TRPC3: variants seen among roughly 807,000 people sequenced by gnomAD.
The protein encoded by TRPC3 is short transient receptor potential channel 3.
Under a neutral mutation model 90.9 loss-of-function variants are expected in TRPC3, and 54 were observed. That is an observed-to-expected ratio of 0.59 (90% CI 0.48 to 0.75). The LOEUF is 0.75. Among genes scored for constraint, TRPC3 ranks in the 30% least tolerant of loss-of-function variants. TRPC3 has a pLI of 0.00. For missense variants in TRPC3, 918 were observed against 1,194.5 expected (o/e 0.77, Z 3.41); for synonymous variants, 424 against 450.9 (o/e 0.94, Z 0.75).
At chr4:121,920,693 G>A (rs1729472349) in intron 3 of TRPC3, among the ~76,000 whole-genome samples, 1 of 152,080 alleles carries the variant, frequency 6.6e-6, no homozygotes, top group Non-Finnish European at 1.5e-5. Flanking sequence ...ATTAGTATAC[G>A]TTTATCACTA....
At position 121,921,030 on chromosome 4, in the gene TRPC3, A is replaced by C. The variant is rs576391349; in HGVS notation, c.1176+3988T>G. Among the ~76,000 whole-genome samples, 4 of 152,280 alleles carry C rather than the reference A, an allele frequency of 2.6e-5. No individual in the cohort carries two copies. In the South Asian group the frequency reaches 8.3e-4, roughly 32 times the overall value. On this transcript the variant is annotated intron_variant, in intron 3 of 11. Coordinates refer to ENST00000379645, the MANE Select transcript of TRPC3 (RefSeq NM_001130698.2). ...AAAGTCCTTTCCAACATAAACATTAAATTCACGGTCATGTATCTCCTATTC... is the reference window on the plus strand; with the variant it reads ...AAAGTCCTTTCCAACATAAACATTACATTCACGGTCATGTATCTCCTATTC...
chr4:121,919,075 G>C (rs1269314271), intron 3 of TRPC3, among the ~76,000 whole-genome samples: 1 of 152,196 alleles, frequency 6.6e-6, no homozygotes, highest in Non-Finnish European at 1.5e-5. Flanking sequence ...CTGATTCAAA[G>C]AGAGAATGCT....
rs1456273895 is a variant in TRPC3 at position 121,932,921 on chromosome 4, C to T, written c.337G>A (p.Glu113Lys). The T allele has an allele frequency of 6.2e-7, 1 of 1,613,950 alleles. No individual in the cohort carries two copies. Among genetic ancestry groups the T allele is most frequent in the African/African-American group, 1.3e-5 (1 of 74,942 alleles). Residue 113 changes from glutamate (E) to lysine (K), a missense_variant, in exon 2 of 12, where the codon GAG becomes AAG. Around this residue, in one of 4 missense-constraint regions of TRPC3, gnomAD observed 609 missense variants for 725.9 expected, o/e 0.84. Transcript: ENST00000379645. The surrounding 1 kb of genome is among the most constrained non-coding windows in gnomAD (Gnocchi z 7.7). ...TCGGCGGCGTCGAGGAAGCGCTCCTCCTCGGCGGTGAGGCTGGTGCCGCGG... is the reference window on the plus strand; with the variant it reads ...TCGGCGGCGTCGAGGAAGCGCTCCTTCTCGGCGGTGAGGCTGGTGCCGCGG... Reference protein sequence around the residue: ...NDRGTSLTAEEERFLDAAEYG... With the variant: ...NDRGTSLTAEKERFLDAAEYG...
At chr4:121,914,697 C>T (rs1729236272) in intron 4 of TRPC3, 83 bp downstream of exon 4, 1 of 1,361,478 alleles carries the variant, frequency 7.3e-7, no homozygotes, top group Non-Finnish European at 9.8e-7. Context: ...TGATAAGATT[C>T]TTAAGCATGA....
chr4:121,934,323 G>A (rs554114689), intron 1 of TRPC3, among the ~76,000 whole-genome samples: 14 of 152,228 alleles, frequency 9.2e-5, no homozygotes, highest in South Asian at 4.1e-4. Flanking sequence ...TTTTAACATC[G>A]TGACTATCTA....
intron 2 of TRPC3, among the ~76,000 whole-genome samples, chr4:121,926,638 C>T (rs1469743287): frequency 6.6e-6 from 1 of 152,096 alleles, no homozygotes; most frequent in East Asian, 1.9e-4. Flanking sequence ...AACTCCTGAC[C>T]TCAAATGATC....
At chr4:121,895,234 T>C (rs760631547) in intron 10 of TRPC3, among the ~76,000 whole-genome samples, 56 of 150,346 alleles carry the variant, frequency 3.7e-4, no homozygotes, top group Non-Finnish European at 7.4e-4. Flanking sequence ...TTTCAAACAA[T>C]CTAATGATGC....
chr4:121,893,004 C>G (rs1347598806), intron 10 of TRPC3, among the ~76,000 whole-genome samples: 1 of 151,678 alleles, frequency 6.6e-6, no homozygotes, highest in African/African-American at 2.4e-5. Context: ...ACCAGTAGTC[C>G]CAGCTACTCG....
Position 121,896,999 on chromosome 4 carries a change from C to A in TRPC3, c.2547+2613G>T, listed in dbSNP as rs139203603. 1.1e-3 allele frequency among the ~76,000 whole-genome samples: 172 copies of A among 152,064 alleles called. 1 individual carries two copies. Among genetic ancestry groups the A allele is most frequent in the African/African-American group, 4.0e-3 (164 of 41,502 alleles). ...AGAAATTAATCCATGTGTCTATAAC[C>A]AACTGAGTTTTTACAAAGATGCCAA... is the stretch of plus-strand genomic sequence containing the variant. On this transcript the variant is annotated intron_variant, in intron 10 of 11. Coordinates refer to ENST00000379645, the MANE Select transcript of TRPC3 (RefSeq NM_001130698.2).
intron 10 of TRPC3, among the ~76,000 whole-genome samples, chr4:121,895,060 T>G (rs181428175): frequency 2.8e-3 from 425 of 152,208 alleles, no homozygotes; most frequent in African/African-American, 9.8e-3. Flanking sequence ...TATTCCTGAA[T>G]GACCAATGAG....
At chr4:121,901,011 T>C (rs1728680542) in intron 9 of TRPC3, among the ~76,000 whole-genome samples, 1 of 152,126 alleles carries the variant, frequency 6.6e-6, no homozygotes, top group African/African-American at 2.4e-5. Context: ...TTTACAGTGG[T>C]CTAGGTAGCC....
At chr4:121,920,836 G>T (rs1332778326) in intron 3 of TRPC3, among the ~76,000 whole-genome samples, 1 of 151,974 alleles carries the variant, frequency 6.6e-6, no homozygotes, top group Non-Finnish European at 1.5e-5. Context: ...TGAGTTCTTG[G>T]GATATTAAGA....
At position 121,933,058 on chromosome 4, in the gene TRPC3, G is replaced by A. The variant is rs201045393; in HGVS notation, c.216-16C>T. On this transcript the variant is annotated splice_polypyrimidine_tract_variant and intron_variant, in intron 1 of 11. Transcript: ENST00000379645. ...CTCCATGGACCTAATCAGTAGCAAC[G>A]ATAAAACAACTGTAGAATATTAGGG... 8 of 1,537,870 alleles carry A rather than the reference G, an allele frequency of 5.2e-6. No homozygotes were observed. The highest frequency in any genetic ancestry group is 7.0e-6 in the Non-Finnish European group (8 of 1,142,406).
chr4:121,902,797 A>C, intron 9 of TRPC3, 55 bp downstream of exon 9: 1 of 1,351,520 alleles, frequency 7.4e-7, no homozygotes, highest in Non-Finnish European at 1.0e-6. Context: ...TCAGAAGACA[A>C]GAAAAAAAAG....
intron 6 of TRPC3, among the ~76,000 whole-genome samples, chr4:121,909,319 TA>T (rs1407028085): frequency 6.6e-6 from 1 of 152,120 alleles, no homozygotes; most frequent in Non-Finnish European, 1.5e-5. Flanking sequence ...ATTACACCTA[TA>T]AAAAAGTATT....
chr4:121,944,250 C>G (rs1730416254), intron 1 of TRPC3, among the ~76,000 whole-genome samples: 1 of 152,164 alleles, frequency 6.6e-6, no homozygotes, highest in Admixed American at 6.5e-5. Flanking sequence ...GAATGCCCAG[C>G]AGCCATTCAT....
intron 3 of TRPC3, among the ~76,000 whole-genome samples, chr4:121,923,726 A>T (rs1363288879): frequency 6.6e-6 from 1 of 152,228 alleles, no homozygotes; most frequent in Non-Finnish European, 1.5e-5. Flanking sequence ...GTCACACAGG[A>T]GCACATGGTG....
chr4:121,908,656 T>G (rs1193472771), intron 6 of TRPC3, among the ~76,000 whole-genome samples: 3 of 152,140 alleles, frequency 2.0e-5, no homozygotes. Context: ...AGGTTTTCAC[T>G]TATAAGTGGA....
chr4:121,911,487 C>T (rs1729090187), intron 5 of TRPC3, among the ~76,000 whole-genome samples: 1 of 152,142 alleles, frequency 6.6e-6, no homozygotes, highest in South Asian at 2.1e-4. Context: ...GAAAACTCTC[C>T]TAAAATCTCT....
Sources: allele counts gnomAD v4.1 joint callset (sites outside exome capture counted in the v4.1 genomes callset), GRCh38; gene constraint gnomAD v4.1.1; regional missense constraint gnomAD v4.1.1; non-coding constraint Gnocchi (gnomAD v3.1); transcripts MANE v1.5; gene names NCBI Gene and HGNC (gene_info 2026-07-23, HGNC 2026-07-21).